Variants in TMEM132C observed in about 807,000 individuals in gnomAD.
TMEM132C encodes the protein protein phosphatase 1, regulatory subunit 152.
TMEM132C carries 29 observed loss-of-function variants against 61.4 expected under a neutral mutation model. The observed-to-expected ratio is 0.47, with a 90% CI of 0.35 to 0.64. TMEM132C has a LOEUF of 0.64. Among genes scored for constraint, TMEM132C ranks in the 30% least tolerant of loss-of-function variants. The pLI is 0.00. For synonymous variants in TMEM132C, 656 were observed against 633.1 expected (o/e 1.04, Z -0.54); for missense variants, 1,408 against 1,476.9 (o/e 0.95, Z 0.76).
In TMEM132C at chr12:128,678,399, C is replaced by G. The variant is rs1022173902; in HGVS notation, c.1449+8839C>G. Among the ~76,000 whole-genome samples, 5 of 152,214 alleles carry G rather than the reference C, an allele frequency of 3.3e-5. No homozygotes were observed. The South Asian group carries it at 1.0e-3, about 31-fold the overall frequency. On this transcript the variant is annotated intron_variant, in intron 5 of 8. Coordinates refer to ENST00000435159, the MANE Select transcript of TMEM132C (RefSeq NM_001136103.3). ...CCTTGAGGGGCTCTTCTAGTGCCCG[C>G]ATTCCATCTGGGATTCAAAGTGCAG...
At position 128,630,342 on chromosome 12, in the gene TMEM132C, C is replaced by T. The variant is rs946388120; in HGVS notation, c.1305+14007C>T. Among the ~76,000 whole-genome samples, 9 of 152,136 alleles carry T rather than the reference C, an allele frequency of 5.9e-5. No individual in the cohort carries two copies. Among genetic ancestry groups the T allele is most frequent in the Non-Finnish European group, 1.0e-4 (7 of 68,008 alleles). Reference sequence around the variant, plus strand: ...TCCCACACCACTTAAGCCAAATCAGCGTAGTTAGAACCTGGGCCTGTGTTT... The same window carrying T: ...TCCCACACCACTTAAGCCAAATCAGTGTAGTTAGAACCTGGGCCTGTGTTT... On this transcript the variant is annotated intron_variant, in intron 4 of 8. Coordinates refer to ENST00000435159, the MANE Select transcript of TMEM132C (RefSeq NM_001136103.3). The surrounding 1 kb of genome is among the most constrained non-coding windows in gnomAD (Gnocchi z 4.3).
At chr12:128,552,486 C>G (rs776772970) in intron 3 of TMEM132C, among the ~76,000 whole-genome samples, 1 of 151,974 alleles carries the variant, frequency 6.6e-6, no homozygotes, top group Non-Finnish European at 1.5e-5. Flanking sequence ...AAGTAAGCAT[C>G]CAAATGAATA....
At chr12:128,503,472 A>G (rs545630356) in intron 2 of TMEM132C, among the ~76,000 whole-genome samples, 1 of 152,314 alleles carries the variant, frequency 6.6e-6, no homozygotes, top group African/African-American at 2.4e-5. Flanking sequence ...GGGTCTCAGT[A>G]TATCTATCTA....
chr12:128,298,304 G>A (rs771115518), intron 1 of TMEM132C, among the ~76,000 whole-genome samples: 2 of 152,190 alleles, frequency 1.3e-5, no homozygotes, highest in Non-Finnish European at 2.9e-5. Flanking sequence ...CCCGGGCCAT[G>A]TGCATTGTGT....
chr12:128,503,702 C>T (rs186705985), intron 2 of TMEM132C, among the ~76,000 whole-genome samples: 2 of 152,332 alleles, frequency 1.3e-5, no homozygotes, highest in East Asian at 3.9e-4. Context: ...ATCGTTCTCT[C>T]TGTTACACAG....
At position 128,369,519 on chromosome 12, in the gene TMEM132C, G is replaced by A. The variant is rs557258119; in HGVS notation, c.86-45213G>A. 6.0e-5 allele frequency among the ~76,000 whole-genome samples: 9 copies of A among 151,114 alleles called. No individual in the cohort carries two copies. In the East Asian group the frequency reaches 1.7e-3, roughly 29 times the overall value. On this transcript the variant is annotated intron_variant, in intron 1 of 8. Transcript: ENST00000435159. ...GGTGATGCAGATGATTCATGCTTCA[G>A]CATTCATGCTTAACTAGGGCTGTTT...
intron 8 of TMEM132C, among the ~76,000 whole-genome samples, chr12:128,701,151 G>T (rs1954800785): frequency 6.6e-6 from 1 of 151,876 alleles, no homozygotes; most frequent in Non-Finnish European, 1.5e-5. Context: ...ATTGAGGGCT[G>T]CCCACAGCAT....
chr12:128,516,337 G>A (rs1872716794), intron 2 of TMEM132C, among the ~76,000 whole-genome samples: 1 of 152,118 alleles, frequency 6.6e-6, no homozygotes, highest in Admixed American at 6.5e-5. Flanking sequence ...GCTCTCACGT[G>A]CGTTAGGCTG....
chr12:128,290,096 A>ATG (rs1871205254), intron 1 of TMEM132C, among the ~76,000 whole-genome samples: 1 of 152,208 alleles, frequency 6.6e-6, no homozygotes. Flanking sequence ...CTGGATCCAA[A>ATG]GGTGCAGAAA....
chr12:128,511,030 C>G (rs1872548901), intron 2 of TMEM132C, among the ~76,000 whole-genome samples: 2 of 152,252 alleles, frequency 1.3e-5, no homozygotes, highest in South Asian at 4.1e-4. Context: ...CCTTGATGAG[C>G]TGGCAGGCAT....
chr12:128,592,265 C>T (rs749119113), intron 3 of TMEM132C, among the ~76,000 whole-genome samples: 10 of 152,150 alleles, frequency 6.6e-5, no homozygotes, highest in Admixed American at 2.0e-4. Context: ...AGTTTTTACA[C>T]GCCTGTATCG....
At chr12:128,361,238 G>A (rs1873700335) in intron 1 of TMEM132C, among the ~76,000 whole-genome samples, 1 of 152,214 alleles carries the variant, frequency 6.6e-6, no homozygotes, top group African/African-American at 2.4e-5. Context: ...CTTCAAAGCT[G>A]TGTTGCTACA....
chr12:128,415,290 A>G lies in TMEM132C; in HGVS notation c.644A>G (p.Lys215Arg), dbSNP rs372016075. ...FSAPTVGAGR[K>R]KSMDQPEGTP... Reference sequence around the variant, plus strand: ...GCCCCGACGGTGGGTGCCGGGAGGAAGAAGTCCATGGACCAGCCGGAGGGG... The same window carrying G: ...GCCCCGACGGTGGGTGCCGGGAGGAGGAAGTCCATGGACCAGCCGGAGGGG... Residue 215 changes from lysine to arginine, a missense_variant, in exon 2 of 9, where the codon AAG (lysine) becomes AGG (arginine). Lys to Arg is a conservative substitution (Grantham distance 26). Coordinates refer to ENST00000435159, the MANE Select transcript of TMEM132C (RefSeq NM_001136103.3). The surrounding 1 kb of genome is among the most constrained non-coding windows in gnomAD (Gnocchi z 5.8). The G allele has an allele frequency of 2.8e-4, 453 of 1,598,104 alleles. 2 individuals are homozygous for G. In the East Asian group the frequency reaches 8.4e-3, roughly 30 times the overall value.
intron 3 of TMEM132C, among the ~76,000 whole-genome samples, chr12:128,608,303 A>G (rs1338505684): frequency 6.6e-6 from 1 of 152,204 alleles, no homozygotes; most frequent in African/African-American, 2.4e-5. Context: ...ATTCTTCTAG[A>G]GGTGAAGTTA....
chr12:128,509,210 G>A (rs1379305946), intron 2 of TMEM132C, among the ~76,000 whole-genome samples: 2 of 152,196 alleles, frequency 1.3e-5, no homozygotes, highest in Non-Finnish European at 2.9e-5. Flanking sequence ...ATGTACCTGG[G>A]AAAAGGAAAC....
intron 2 of TMEM132C, among the ~76,000 whole-genome samples, chr12:128,473,360 CAGCCTCTATCTTCATCTTCACTCG>C: frequency 1.3e-5 from 2 of 152,170 alleles, no homozygotes; most frequent in East Asian, 3.8e-4. Flanking sequence ...ATCTTCACTC[CAGCCTCTATCTTCATCTTCACTCG>C]AGCCTCCATC....
At position 128,705,332 on chromosome 12, in the gene TMEM132C, G is replaced by A; in HGVS notation, c.2364G>A (p.Leu788=). 6.4e-7 allele frequency: 1 copy of A among 1,551,520 alleles called. No homozygotes were observed. Among genetic ancestry groups the A allele is most frequent in the Admixed American group, 2.0e-5 (1 of 51,006 alleles). ...AGAAATCTAAACGCAAGAGCATCCTGGCTGTGGGCGTCGGCAACGTCAGGG... is the reference window on the plus strand; with the variant it reads ...AGAAATCTAAACGCAAGAGCATCCTAGCTGTGGGCGTCGGCAACGTCAGGG... ...ACQKSKRKSI[L]AVGVGNVRVK... Residue 788 remains leucine (L), a synonymous_variant, in exon 9 of 9, where the codon CTG becomes CTA. Transcript: ENST00000435159.
At chr12:128,648,472 T>A (rs1954233566) in intron 4 of TMEM132C, among the ~76,000 whole-genome samples, 1 of 149,330 alleles carries the variant, frequency 6.7e-6, no homozygotes, top group Non-Finnish European at 1.5e-5. Flanking sequence ...TTTACTGGAG[T>A]CCATCAGCAT....
intron 2 of TMEM132C, among the ~76,000 whole-genome samples, chr12:128,536,150 A>G (rs1873517213): frequency 6.6e-6 from 1 of 152,246 alleles, no homozygotes. Context: ...CCAAATGTCC[A>G]CCAATGATAG....
Sources: allele counts gnomAD v4.1 joint callset (sites outside exome capture counted in the v4.1 genomes callset), GRCh38; gene constraint gnomAD v4.1.1; non-coding constraint Gnocchi (gnomAD v3.1); transcripts MANE v1.5; gene names NCBI Gene and HGNC (gene_info 2026-07-23, HGNC 2026-07-21).